MAP3K19: variants seen among roughly 807,000 people sequenced by gnomAD.
MAP3K19 encodes SPS1/STE20-related protein kinase YSK4.
Under a neutral mutation model 114.4 loss-of-function variants are expected in MAP3K19, and 91 were observed. The observed-to-expected ratio is 0.80, with a 90% CI of 0.67 to 0.95. MAP3K19 has a LOEUF of 0.95. Among genes scored for constraint, MAP3K19 ranks in the 40% least tolerant of loss-of-function variants. The pLI is 0.00. For missense variants in MAP3K19, 1,471 were observed against 1,573.2 expected, an observed-to-expected ratio of 0.94 and a Z score of 1.10; for synonymous variants, 518 against 530.5, an observed-to-expected ratio of 0.98 and a Z score of 0.32.
intron 2 of MAP3K19, among the ~76,000 whole-genome samples, 156 bp from the exon 3 acceptor site, chr2:135,030,656 T>C (rs917041454): frequency 9.9e-5 from 15 of 152,232 alleles, no homozygotes; most frequent in African/African-American, 3.6e-4. Context: ...CTCCATGACA[T>C]GCATGATTTT....
In MAP3K19 at chr2:134,999,099, A is replaced by G; in HGVS notation, c.315-102T>C. 1.5e-5 allele frequency: 20 copies of G among 1,306,672 alleles called. No homozygotes were observed. The highest frequency in any genetic ancestry group is 2.1e-4 in the Middle Eastern group (1 of 4,758). 80.9% of individuals were successfully genotyped at this position (1,306,672 alleles called of 1,614,324 possible). A position where few individuals can be genotyped will look rare whatever the true frequency, so the allele number is the denominator to read the frequency against. On this transcript the variant is annotated intron_variant, in intron 7 of 12. Coordinates refer to ENST00000392915, the MANE Select transcript of MAP3K19 (RefSeq NM_025052.5). The surrounding 1 kb of genome is among the most constrained non-coding windows in gnomAD (Gnocchi z 4.1). ...ACATCACTAGAAAGTTTGAAGAACT[A>G]CTTCCAAATGGTGCTGCTGAAAGGA...
chr2:134,973,942 G>A (rs1420292390), intron 12 of MAP3K19, among the ~76,000 whole-genome samples: 1 of 152,118 alleles, frequency 6.6e-6, no homozygotes, highest in Non-Finnish European at 1.5e-5. Flanking sequence ...ACTTTGCTGA[G>A]TATAGCATTC....
intron 3 of MAP3K19, among the ~76,000 whole-genome samples, chr2:135,026,781 C>T (rs7595445): frequency 0.14 from 21,184 of 152,088 alleles, 2,666 homozygotes; most frequent in African/African-American, 0.34. Flanking sequence ...TTAGTAATAT[C>T]TTGGGGGTAG....
intron 12 of MAP3K19, among the ~76,000 whole-genome samples, chr2:134,973,051 G>T (rs1455755932): frequency 6.6e-6 from 1 of 152,126 alleles, no homozygotes; most frequent in Non-Finnish European, 1.5e-5. Flanking sequence ...GCAGCCTAAT[G>T]TATGGCCTAT....
At chr2:135,025,635 C>T (rs957845619) in intron 3 of MAP3K19, among the ~76,000 whole-genome samples, 3 of 151,998 alleles carry the variant, frequency 2.0e-5, no homozygotes, top group Admixed American at 6.5e-5. Flanking sequence ...ATCTGCCTGC[C>T]TCGGCCTCCC....
intron 4 of MAP3K19, 104 bp downstream of exon 4, chr2:135,024,522 C>A: frequency 9.3e-7 from 1 of 1,072,672 alleles, no homozygotes; most frequent in Non-Finnish European, 1.4e-6. Flanking sequence ...TAGCCGTGGA[C>A]TTGATTTCTT....
rs1176626691 is a variant in MAP3K19 at position 135,012,749 on chromosome 2, A to G, written c.139-7218T>C. 2.6e-5 allele frequency among the ~76,000 whole-genome samples: 4 copies of G among 152,140 alleles called. No homozygotes were observed. In the East Asian group the frequency reaches 7.7e-4, roughly 29 times the overall value. The stretch of plus-strand genomic sequence containing the variant: ...GCATCATCTATTGACTTATTATGGC[A>G]GTTAATAATTTAATGTTCTTATGCC... On this transcript the variant is annotated intron_variant, in intron 5 of 12. Transcript: ENST00000392915.
rs990535335 is a variant in MAP3K19 at position 134,998,969 on chromosome 2, C to G, written c.343G>C (p.Ala115Pro). The G allele has an allele frequency of 1.2e-6, 2 of 1,613,594 alleles. No individual in the cohort carries two copies. Among genetic ancestry groups the G allele is most frequent in the Non-Finnish European group, 1.7e-6 (2 of 1,179,974 alleles). ...GGATGAGAAACTGCATGTGCTTGTGCCCATTCTTGAAGCGATGAGTTTATC... is the reference window on the plus strand; with the variant it reads ...GGATGAGAAACTGCATGTGCTTGTGGCCATTCTTGAAGCGATGAGTTTATC... ...NLINSSLQEWAQAHAVSHPNE... is the reference protein window; with the variant it reads ...NLINSSLQEWPQAHAVSHPNE... The change falls in exon 8 of 13, where the codon GCA becomes CCA. Residue 115 changes from alanine to proline, a missense_variant. Ala to Pro is a conservative substitution (Grantham distance 27, BLOSUM62 -1). Transcript: ENST00000392915.
At chr2:135,032,120 A>G (rs1285224376) in intron 2 of MAP3K19, among the ~76,000 whole-genome samples, 1 of 152,152 alleles carries the variant, frequency 6.6e-6, no homozygotes, top group Non-Finnish European at 1.5e-5. Context: ...CTAGTTTGGG[A>G]GGCCAAGGTG....
At chr2:135,029,541 T>C (rs913278727) in intron 3 of MAP3K19, among the ~76,000 whole-genome samples, 2 of 152,226 alleles carry the variant, frequency 1.3e-5, no homozygotes, top group Non-Finnish European at 2.9e-5. Flanking sequence ...TGAAGTATTG[T>C]TTGGTTTTGT....
chr2:134,991,472 C>G (rs1371754141), intron 9 of MAP3K19, 65 bp downstream of exon 9: 1 of 1,404,036 alleles, frequency 7.1e-7, no homozygotes. Flanking sequence ...GGATTTGGTT[C>G]TAAATTAGTG....
Position 134,986,930 on chromosome 2 carries a change from C to T in MAP3K19, c.1942G>A (p.Asp648Asn). The T allele has an allele frequency of 1.2e-6, 2 of 1,614,088 alleles. No homozygotes were observed. Among genetic ancestry groups the T allele is most frequent in the East Asian group, 2.2e-5 (1 of 44,890 alleles). ...RLNYLDLKYSDMFKEINSTAN... is the reference protein window; with the variant it reads ...RLNYLDLKYSNMFKEINSTAN... ...GTTGAATTGATTTCTTTGAACATAT[C>T]ACTATACTTAAGATCTAGGTAATTT... Residue 648 changes from aspartate to asparagine, a missense_variant, in exon 10 of 13, where the codon GAT (aspartate) becomes AAT (asparagine). Physicochemically the swap from Asp to Asn is conservative, Grantham distance 23. Coordinates refer to ENST00000392915, the MANE Select transcript of MAP3K19 (RefSeq NM_025052.5).
At position 135,005,451 on chromosome 2, in the gene MAP3K19, C is replaced by A. The variant is rs959168876; in HGVS notation, c.219G>T (p.Trp73Cys). Reference protein sequence around the residue: ...EEDPSGGRQDWQPRTEGVEIT... With the variant: ...EEDPSGGRQDCQPRTEGVEIT... ...GCCCAGTACCTTCTGTCCTGGGTTG[C>A]CAGTCCTGTCTACCACCACTGGGAT... is the stretch of plus-strand genomic sequence containing the variant. Residue 73 changes from tryptophan (W) to cysteine (C), a missense_variant, in exon 6 of 13, where the codon TGG becomes TGT. Trp to Cys is a radical substitution (Grantham distance 215). Coordinates refer to ENST00000392915, the MANE Select transcript of MAP3K19 (RefSeq NM_025052.5). 2.5e-6 allele frequency: 4 copies of A among 1,613,228 alleles called. No individual in the cohort carries two copies. Among genetic ancestry groups the A allele is most frequent in the Non-Finnish European group, 3.4e-6 (4 of 1,179,218 alleles).
chr2:134,999,230 GT>G lies in MAP3K19; in HGVS notation c.315-234del, dbSNP rs374512123. On this transcript the variant is annotated intron_variant, in intron 7 of 12. Coordinates refer to ENST00000392915, the MANE Select transcript of MAP3K19 (RefSeq NM_025052.5). The surrounding 1 kb of genome is among the most constrained non-coding windows in gnomAD (Gnocchi z 4.1). ...ATGGATTAGGTTTCAGCTCACTCTCGTTTTCCCAATCACCATTTCCTTGCAC... is the reference window on the plus strand; with the variant it reads ...ATGGATTAGGTTTCAGCTCACTCTCGTTTCCCAATCACCATTTCCTTGCAC... Among the ~76,000 whole-genome samples, 1 of 152,242 alleles carries G rather than the reference GT, an allele frequency of 6.6e-6. No homozygotes were observed. Among genetic ancestry groups the G allele is most frequent in the East Asian group, 1.9e-4 (1 of 5,186 alleles).
At chr2:134,970,433 A>C (rs527886690) in intron 12 of MAP3K19, among the ~76,000 whole-genome samples, 8 of 152,224 alleles carry the variant, frequency 5.3e-5, no homozygotes, top group African/African-American at 1.9e-4. Flanking sequence ...ATATAGAAAC[A>C]CAACAAATTT....
At chr2:135,007,996 A>G (rs1574006732) in intron 5 of MAP3K19, among the ~76,000 whole-genome samples, 2 of 152,360 alleles carry the variant, frequency 1.3e-5, no homozygotes, top group South Asian at 4.1e-4. Flanking sequence ...GTTGCATCAC[A>G]TAATTTTTGT....
intron 9 of MAP3K19, chr2:134,991,218 G>A (rs550036990): frequency 3.8e-5 from 11 of 291,270 alleles, no homozygotes; most frequent in South Asian, 1.5e-4. Context: ...GGAGAATGGC[G>A]TGAACCCGGG....
chr2:135,022,271 T>C (rs899216988), intron 4 of MAP3K19, among the ~76,000 whole-genome samples: 1 of 152,200 alleles, frequency 6.6e-6, no homozygotes, highest in Non-Finnish European at 1.5e-5. Flanking sequence ...TACGTCGTCA[T>C]TGCAAAACCC....
At chr2:134,988,358 C>T in intron 9 of MAP3K19, 105 bp from the exon 10 acceptor site, 4 of 963,524 alleles carry the variant, frequency 4.2e-6, no homozygotes, top group Non-Finnish European at 5.8e-6. Context: ...TTAAGGAAGG[C>T]TTTTAAAGTT....
Sources: allele counts gnomAD v4.1 joint callset (sites outside exome capture counted in the v4.1 genomes callset), GRCh38; gene constraint gnomAD v4.1.1; non-coding constraint Gnocchi (gnomAD v3.1); transcripts MANE v1.5; gene names NCBI Gene and HGNC (gene_info 2026-07-23, HGNC 2026-07-21).